Variants in CDKAL1 observed in about 807,000 individuals in gnomAD.
CDKAL1 encodes threonylcarbamoyladenosine tRNA methylthiotransferase.
In CDKAL1, 32 loss-of-function variants were observed where a neutral mutation model predicts 68.2. The observed-to-expected ratio is 0.47, with a 90% CI of 0.35 to 0.63. CDKAL1 has a LOEUF of 0.63. Ranked by LOEUF, CDKAL1 falls within the 30% of genes least tolerant of loss-of-function variation. The pLI is 0.00. For synonymous variants in CDKAL1, 234 were observed against 244.3 expected (o/e 0.96, Z 0.39); for missense variants, 606 against 696.7 (o/e 0.87, Z 1.47).
At chr6:20,612,282 C>G (rs988525283) in intron 4 of CDKAL1, among the ~76,000 whole-genome samples, 1 of 152,012 alleles carries the variant, frequency 6.6e-6, no homozygotes, top group African/African-American at 2.4e-5. Context: ...AGTGGGATTG[C>G]TGGATCATAT....
At chr6:20,888,079 A>T (rs143318635) in intron 9 of CDKAL1, among the ~76,000 whole-genome samples, 165 of 151,556 alleles carry the variant, frequency 1.1e-3, no homozygotes, top group African/African-American at 3.8e-3. Context: ...GCACCCGTTA[A>T]CTTGTCATTT....
intron 5 of CDKAL1, chr6:20,722,687 C>G (rs1479869504): frequency 1.2e-5 from 2 of 168,236 alleles, no homozygotes; most frequent in Non-Finnish European, 2.5e-5. Context: ...AAAGTGAGAA[C>G]TTCTGTTCCT....
chr6:20,537,665 C>T (rs1763229639), intron 2 of CDKAL1, among the ~76,000 whole-genome samples: 2 of 150,896 alleles, frequency 1.3e-5, no homozygotes, highest in Non-Finnish European at 2.9e-5. Flanking sequence ...TAAGTAACCA[C>T]TGCTCTAGGA....
chr6:20,616,839 C>CCACACA (rs756883799), intron 4 of CDKAL1, among the ~76,000 whole-genome samples: 13,005 of 121,230 alleles, frequency 0.11, 789 homozygotes, highest in Middle Eastern at 0.15. Flanking sequence ...CCCGACTCTA[C>CCACACA]CACACACACA....
intron 8 of CDKAL1, among the ~76,000 whole-genome samples, chr6:20,838,791 G>A (rs1581677325): frequency 6.6e-6 from 1 of 152,108 alleles, no homozygotes; most frequent in South Asian, 2.1e-4. Flanking sequence ...TGGCTAACAC[G>A]GTGAAACCCC....
At chr6:20,965,481 A>G (rs1226737311) in intron 10 of CDKAL1, among the ~76,000 whole-genome samples, 3 of 152,118 alleles carry the variant, frequency 2.0e-5, no homozygotes, top group Non-Finnish European at 4.4e-5. Context: ...ATCCTGGGTC[A>G]TGTCTCTCTC....
intron 13 of CDKAL1, among the ~76,000 whole-genome samples, chr6:21,192,007 T>A (rs1778266029): frequency 1.4e-5 from 1 of 71,904 alleles, no homozygotes; most frequent in African/African-American, 6.0e-5. Flanking sequence ...TTTTTTTTTT[T>A]TTTTTTTTTT....
At chr6:21,078,949 G>C (rs1772229794) in intron 12 of CDKAL1, among the ~76,000 whole-genome samples, 1 of 152,176 alleles carries the variant, frequency 6.6e-6, no homozygotes, top group African/African-American at 2.4e-5. Flanking sequence ...CTGGCATAGA[G>C]CAGGAACTCA....
chr6:20,535,808 C>T (rs1397968892), intron 2 of CDKAL1, among the ~76,000 whole-genome samples: 2 of 152,126 alleles, frequency 1.3e-5, no homozygotes, highest in African/African-American at 4.8e-5. Context: ...TGCCTGTCAA[C>T]AGTTATTTGT....
intron 9 of CDKAL1, among the ~76,000 whole-genome samples, chr6:20,888,344 A>G (rs1041262627): frequency 1.5e-5 from 2 of 135,826 alleles, no homozygotes; most frequent in Non-Finnish European, 3.1e-5. Context: ...CATGGTGTAT[A>G]TGTGCCACAT....
chr6:21,027,160 G>T (rs1033497202), intron 11 of CDKAL1, among the ~76,000 whole-genome samples: 1 of 152,096 alleles, frequency 6.6e-6, no homozygotes, highest in Non-Finnish European at 1.5e-5. Context: ...TGGCTGAAGG[G>T]GTTGTAGTGT....
chr6:20,888,542 C>T (rs1230759649), intron 9 of CDKAL1, among the ~76,000 whole-genome samples: 2 of 118,558 alleles, frequency 1.7e-5, no homozygotes, highest in South Asian at 6.7e-4. Context: ...CACAACAGTC[C>T]CCGGTGTGTG....
At chr6:21,010,873 G>A (rs1190187956) in intron 11 of CDKAL1, among the ~76,000 whole-genome samples, 1 of 151,966 alleles carries the variant, frequency 6.6e-6, no homozygotes, top group Non-Finnish European at 1.5e-5. Flanking sequence ...CATGAGGTCT[G>A]GAGATCGAGA....
At chr6:20,585,009 TATC>T (rs10558806) in intron 4 of CDKAL1, among the ~76,000 whole-genome samples, 39,746 of 151,388 alleles carry the variant, frequency 0.26, 5,500 homozygotes, top group Middle Eastern at 0.36. Flanking sequence ...GGATCATTCC[TATC>T]ATCAAACATT....
At chr6:20,694,234 G>A (rs575945058) in intron 5 of CDKAL1, among the ~76,000 whole-genome samples, 1 of 152,238 alleles carries the variant, frequency 6.6e-6, no homozygotes, top group East Asian at 1.9e-4. Flanking sequence ...TAGAGACAGG[G>A]TTTCACTATG....
chr6:20,579,928 G>A (rs755202935), intron 4 of CDKAL1, among the ~76,000 whole-genome samples: 1 of 152,202 alleles, frequency 6.6e-6, no homozygotes, highest in Non-Finnish European at 1.5e-5. Flanking sequence ...TGTAGGAAGG[G>A]ATGATTTATA....
intron 8 of CDKAL1, among the ~76,000 whole-genome samples, chr6:20,811,084 G>C (rs964672554): frequency 6.6e-6 from 1 of 152,168 alleles, no homozygotes; most frequent in African/African-American, 2.4e-5. Flanking sequence ...AAACCTAGCA[G>C]TTACCCTAAT....
chr6:20,895,778 C>G (rs1761647616), intron 9 of CDKAL1, among the ~76,000 whole-genome samples: 1 of 152,198 alleles, frequency 6.6e-6, no homozygotes, highest in Non-Finnish European at 1.5e-5. Flanking sequence ...AACCCTTCTG[C>G]AAGCACTACC....
chr6:20,667,711 T>C (rs1769618960), intron 5 of CDKAL1, among the ~76,000 whole-genome samples: 1 of 152,138 alleles, frequency 6.6e-6, no homozygotes, highest in Non-Finnish European at 1.5e-5. Context: ...CTGCCTGGGT[T>C]TTGGGGACCA....
Sources: allele counts gnomAD v4.1 joint callset (sites outside exome capture counted in the v4.1 genomes callset), GRCh38; gene constraint gnomAD v4.1.1; transcripts MANE v1.5; gene names NCBI Gene and HGNC (gene_info 2026-07-23, HGNC 2026-07-21).